ELSPBP1: variants seen among roughly 807,000 people sequenced by gnomAD.
ELSPBP1 encodes epididymal sperm-binding protein 1.
ELSPBP1 carries 38 observed loss-of-function variants against 33.3 expected under a neutral mutation model. That is an observed-to-expected ratio of 1.14 (90% CI 0.88 to 1.50). The LOEUF is 1.50. Ranked by LOEUF, ELSPBP1 falls within the 40% of genes most tolerant of loss-of-function variation. The pLI is 0.00. For missense variants in ELSPBP1, 267 were observed against 263.5 expected, an observed-to-expected ratio of 1.01 and a Z score of -0.09; for synonymous variants, 85 against 94.1, an observed-to-expected ratio of 0.90 and a Z score of 0.56.
chr19:48,002,113 TAACA>T (rs1343320212), intron 1 of ELSPBP1, among the ~76,000 whole-genome samples: 1 of 152,134 alleles, frequency 6.6e-6, no homozygotes, highest in Admixed American at 6.6e-5. Context: ...TGAACGACAC[TAACA>T]TTCTGTAGCA....
chr19:47,999,387 C>CTTTTTTTTTTT (rs397937280), intron 1 of ELSPBP1, among the ~76,000 whole-genome samples: 1 of 129,976 alleles, frequency 7.7e-6, no homozygotes, highest in African/African-American at 2.9e-5. Flanking sequence ...AGCCTCATTT[C>CTTTTTTTTTTT]TTTTTTTTTT....
intron 5 of ELSPBP1, 95 bp downstream of exon 5, chr19:48,019,972 T>C (rs1967182629): frequency 7.4e-7 from 1 of 1,355,420 alleles, no homozygotes. Context: ...AGCCAGGCAC[T>C]GAGTTGGGCA....
intron 1 of ELSPBP1, among the ~76,000 whole-genome samples, chr19:48,002,516 C>G (rs1012772287): frequency 3.3e-5 from 5 of 152,184 alleles, no homozygotes; most frequent in Admixed American, 2.0e-4. Flanking sequence ...TTGGGCCGGG[C>G]GCAGTGGCTC....
chr19:48,000,270 C>T (rs1194839844), intron 1 of ELSPBP1, among the ~76,000 whole-genome samples: 3 of 138,398 alleles, frequency 2.2e-5, no homozygotes, highest in African/African-American at 5.3e-5. Flanking sequence ...TCTCACTCTG[C>T]CCAGGCTGTA....
intron 1 of ELSPBP1, among the ~76,000 whole-genome samples, chr19:48,000,366 G>A (rs983451359): frequency 1.3e-5 from 2 of 151,788 alleles, no homozygotes; most frequent in Non-Finnish European, 2.9e-5. Context: ...TCAGTCTCCT[G>A]AGTAGCTGGG....
rs1967006291 is a variant in ELSPBP1, at chr19:48,005,242, GAA to G, written c.-17-3405_-17-3404del. Reference sequence around the variant, plus strand: ...AAGAAAAAAGAAAAAAACAAAAAGAGAAAAAGAGCTCAGCCTTGTAGAGGAGA... The same window carrying G: ...AAGAAAAAAGAAAAAAACAAAAAGAGAAAGAGCTCAGCCTTGTAGAGGAGA... On this transcript the variant is annotated intron_variant, in intron 1 of 6. Transcript: ENST00000339841. Among the ~76,000 whole-genome samples the G allele has an allele frequency of 2.6e-5, 4 of 151,954 alleles. No individual in the cohort carries two copies. In the South Asian group the frequency reaches 8.3e-4, roughly 32 times the overall value.
chr19:48,004,531 C>T lies in ELSPBP1; in HGVS notation c.-17-4120C>T, dbSNP rs951258593. Among the ~76,000 whole-genome samples the T allele has an allele frequency of 3.3e-5, 5 of 152,164 alleles. No homozygotes were observed. The East Asian group carries it at 9.7e-4, about 29-fold the overall frequency. ...TTTCCATCTCAGGCAGTTTCCACGT[C>T]GGCTTCTCCTGCCTGGATGTATCCC... On this transcript the variant is annotated intron_variant, in intron 1 of 6. Coordinates refer to ENST00000339841, the MANE Select transcript of ELSPBP1 (RefSeq NM_022142.5).
intron 1 of ELSPBP1, among the ~76,000 whole-genome samples, chr19:48,003,638 G>C (rs970906975): frequency 6.7e-6 from 1 of 150,066 alleles, no homozygotes; most frequent in Non-Finnish European, 1.5e-5. Context: ...CTGGGTTCAA[G>C]TGATTCTCCT....
In ELSPBP1 at chr19:48,015,963, CT is replaced by C. The variant is rs1568407107; in HGVS notation, c.281del (p.Phe94SerfsTer2). Reference protein sequence around the residue: ...AYNSCISQGSFLGSLWCSVTS... With the variant: ...AYNSCISQGSXLGSLWCSVTS... ...ATAACAGCTGCATCTCCCAGGGCAGCTTCTTAGGCAGTCTGTGGTGCTCAGT... is the reference window on the plus strand; with the variant it reads ...ATAACAGCTGCATCTCCCAGGGCAGCTCTTAGGCAGTCTGTGGTGCTCAGT... On this transcript the variant is annotated frameshift_variant, in exon 4 of 7. Transcript: ENST00000339841. LOFTEE classifies it high-confidence loss of function. The C allele has an allele frequency of 6.2e-7, 1 of 1,614,062 alleles. No homozygotes were observed. The highest frequency in any genetic ancestry group is 1.7e-5 in the Admixed American group (1 of 60,020).
intron 6 of ELSPBP1, among the ~76,000 whole-genome samples, chr19:48,022,658 G>T (rs972425359): frequency 4.6e-5 from 7 of 152,116 alleles, no homozygotes. Flanking sequence ...ACCCAGGAAG[G>T]TATCATTCCA....
At chr19:48,014,668 T>TAAA (rs1250856234) in intron 3 of ELSPBP1, among the ~76,000 whole-genome samples, 17 of 151,236 alleles carry the variant, frequency 1.1e-4, no homozygotes, top group Non-Finnish European at 2.2e-4. Context: ...AAACTTAAAT[T>TAAA]ATAATAATAA....
Position 48,022,327 on chromosome 19 carries a change from A to T in ELSPBP1, c.672A>T (p.Ter224CysextTer2), listed in dbSNP as rs1319624676. The T allele has an allele frequency of 6.2e-7, 1 of 1,609,262 alleles. No individual in the cohort carries two copies. The highest frequency in any genetic ancestry group is 2.2e-5 in the East Asian group (1 of 44,764). Residue 224 changes from the stop codon to cysteine, a stop_lost, in exon 6 of 7, where the codon TGA (stop) becomes TGT (cysteine). Transcript: ENST00000339841. The part of the protein sequence containing the change: ...YDQDHTWVYC[*>C] ...AAGACCACACCTGGGTGTATTGCTG[A>T]TGCTGAGGTGAGAGCAGGGACCAAC...
At chr19:48,019,676 A>G (rs201359039) in intron 4 of ELSPBP1, 43 bp from the exon 5 acceptor site, 20 of 1,580,320 alleles carry the variant, frequency 1.3e-5, no homozygotes, top group East Asian at 1.1e-4. Flanking sequence ...AGCTCTTTTC[A>G]TCTCCTCTTC....
rs149731043 is a variant in ELSPBP1 at position 48,004,068 on chromosome 19, C to T, written c.-17-4583C>T. Among the ~76,000 whole-genome samples the T allele has an allele frequency of 3.8e-3, 570 of 151,728 alleles. 8 individuals carry two copies. Among genetic ancestry groups the T allele is most frequent in the African/African-American group, 0.013 (530 of 41,370 alleles). ...AAGCGATTTTCCTGGCTCAGCCTCC[C>T]GAGTAGCTGGAATTACAGGCACGCA... On this transcript the variant is annotated intron_variant, in intron 1 of 6. Transcript: ENST00000339841.
At position 48,007,549 on chromosome 19, in the gene ELSPBP1, A is replaced by G. The variant is rs150205672; in HGVS notation, c.-17-1102A>G. 8.5e-3 allele frequency among the ~76,000 whole-genome samples: 1,291 copies of G among 152,314 alleles called. 43 individuals are homozygous for G. Among genetic ancestry groups the G allele is most frequent in the Non-Finnish European group, 5.2e-3 (351 of 68,016 alleles). On this transcript the variant is annotated intron_variant, in intron 1 of 6. Coordinates refer to ENST00000339841, the MANE Select transcript of ELSPBP1 (RefSeq NM_022142.5). ...AGTCAAATCCAGACCACCAATTCCA[A>G]ACTGTGGGTTCTTGTTGCTGCTGAG...
intron 4 of ELSPBP1, among the ~76,000 whole-genome samples, chr19:48,017,497 T>C (rs1600110655): frequency 6.6e-6 from 1 of 152,188 alleles, no homozygotes; most frequent in East Asian, 1.9e-4. Context: ...ATACATTCCA[T>C]CATTAATAAA....
intron 1 of ELSPBP1, among the ~76,000 whole-genome samples, chr19:48,007,701 G>T (rs959886890): frequency 1.3e-5 from 2 of 152,192 alleles, no homozygotes; most frequent in African/African-American, 4.8e-5. Flanking sequence ...GGAGATGAGT[G>T]TGATTCATGG....
chr19:48,007,463 T>C (rs1439926158), intron 1 of ELSPBP1, among the ~76,000 whole-genome samples: 2 of 152,124 alleles, frequency 1.3e-5, no homozygotes, highest in South Asian at 4.1e-4. Context: ...ACATCCGGTA[T>C]ACAGTAAGCA....
rs1219169560 is a variant in ELSPBP1 at position 48,011,761 on chromosome 19, A to T, written c.71-2410A>T. 6.6e-6 allele frequency among the ~76,000 whole-genome samples: 1 copy of T among 152,176 alleles called. No individual in the cohort carries two copies. The highest frequency in any genetic ancestry group is 1.5e-5 in the Non-Finnish European group (1 of 68,038). On this transcript the variant is annotated intron_variant, in intron 2 of 6. Transcript: ENST00000339841. This position sits in a 1 kb window ranked among gnomAD's most constrained non-coding sequence, Gnocchi z 4.5. ...AATGACAATAGCGTGGAGAATGATG[A>T]TGATGACAGTGATGGTAATGATGAT...
Sources: gnomAD v4.1 joint callset for allele counts (sites outside exome capture counted in the v4.1 genomes callset) on GRCh38, gnomAD v4.1.1 for gene constraint, Gnocchi (gnomAD v3.1) non-coding constraint, MANE v1.5 for transcripts, NCBI Gene and HGNC (gene_info 2026-07-23, HGNC 2026-07-21) for gene names.